Variants in SSH2 observed in about 807,000 individuals in gnomAD.
SSH2 encodes slingshot protein phosphatase 2.
In SSH2, 37 loss-of-function variants were observed where a neutral mutation model predicts 135.2. The observed-to-expected ratio is 0.27, with a 90% CI of 0.21 to 0.36. SSH2 has a LOEUF of 0.36. Among genes scored for constraint, SSH2 ranks in the 10% least tolerant of loss-of-function variants. The pLI, the probability that SSH2 is intolerant of heterozygous loss-of-function variation, is 1.00. For missense variants in SSH2, 1,408 were observed against 1,765.3 expected (o/e 0.80, Z 3.63); for synonymous variants, 628 against 646.2 (o/e 0.97, Z 0.43).
At chr17:29,686,526 TA>T (rs1291679087) in intron 5 of SSH2, among the ~76,000 whole-genome samples, 1 of 150,480 alleles carries the variant, frequency 6.6e-6, no homozygotes, top group African/African-American at 2.5e-5. Flanking sequence ...CACGCCCGGC[TA>T]ATTTTTTTTT....
chr17:29,704,476 A>C (rs1402845730), intron 3 of SSH2, among the ~76,000 whole-genome samples: 2 of 152,236 alleles, frequency 1.3e-5, no homozygotes, highest in South Asian at 4.1e-4. Flanking sequence ...CCAAGCCAAG[A>C]GGATTGCTTG....
At chr17:29,879,943 A>G (rs2066105864) in intron 1 of SSH2, among the ~76,000 whole-genome samples, 1 of 152,238 alleles carries the variant, frequency 6.6e-6, no homozygotes, top group South Asian at 2.1e-4. Context: ...AGATGTTTTC[A>G]AAAATCTATT....
At chr17:29,920,643 T>G (rs976808723) in intron 1 of SSH2, among the ~76,000 whole-genome samples, 17 of 152,116 alleles carry the variant, frequency 1.1e-4, no homozygotes, top group African/African-American at 3.6e-4. Context: ...AACATAATCC[T>G]TACTTCACAT....
At chr17:29,927,007 C>T (rs770670135) in intron 1 of SSH2, among the ~76,000 whole-genome samples, 1 of 152,118 alleles carries the variant, frequency 6.6e-6, no homozygotes, top group African/African-American at 2.4e-5. Context: ...AATGACACTG[C>T]GCATATTCCT....
intron 3 of SSH2, among the ~76,000 whole-genome samples, chr17:29,746,422 C>T (rs1449635709): frequency 6.6e-6 from 1 of 151,442 alleles, no homozygotes; most frequent in Non-Finnish European, 1.5e-5. Flanking sequence ...GTGGTGGACG[C>T]CTGTAATCCC....
At chr17:29,818,763 T>C (rs1191925001) in intron 2 of SSH2, among the ~76,000 whole-genome samples, 3 of 152,030 alleles carry the variant, frequency 2.0e-5, no homozygotes, top group East Asian at 1.9e-4. Context: ...CATGAGAAAC[T>C]TGTACAGTCC....
At chr17:29,709,050 A>AGAGAGAGAGAGAGAGAGC (rs982312745) in intron 3 of SSH2, among the ~76,000 whole-genome samples, 3 of 145,574 alleles carry the variant, frequency 2.1e-5, no homozygotes, top group Non-Finnish European at 3.0e-5. Flanking sequence ...AGAGAGAGAG[A>AGAGAGAGAGAGAGAGAGC]GAGCTAATAA....
At chr17:29,746,607 A>T (rs1176038871) in intron 3 of SSH2, among the ~76,000 whole-genome samples, 1 of 151,842 alleles carries the variant, frequency 6.6e-6, no homozygotes, top group Non-Finnish European at 1.5e-5. Context: ...ATGGGAAATT[A>T]AAACTTTTGA....
rs78513841 is a variant in SSH2, at chr17:29,723,916, T to C, written c.189-20854A>G. Among the ~76,000 whole-genome samples the C allele has an allele frequency of 8.8e-3, 1,338 of 152,310 alleles. 47 individuals carry two copies. The East Asian group carries it at 0.12, about 14-fold the overall frequency. On this transcript the variant is annotated intron_variant, in intron 3 of 15. Coordinates refer to ENST00000540801, the MANE Select transcript of SSH2 (RefSeq NM_001282129.2). Reference sequence around the variant, plus strand: ...TCCCTTTTCTGAGAAGTTGGGTGTATTGTATGGGATACTCCCATACATCTA... The same window carrying C: ...TCCCTTTTCTGAGAAGTTGGGTGTACTGTATGGGATACTCCCATACATCTA...
intron 1 of SSH2, among the ~76,000 whole-genome samples, chr17:29,863,162 T>A (rs996565397): frequency 6.6e-6 from 1 of 152,040 alleles, no homozygotes; most frequent in Admixed American, 6.6e-5. Flanking sequence ...TACTAACTGG[T>A]CCTTAACAAC....
At chr17:29,837,790 C>T (rs576958350) in intron 2 of SSH2, among the ~76,000 whole-genome samples, 1 of 152,354 alleles carries the variant, frequency 6.6e-6, no homozygotes, top group East Asian at 1.9e-4. Context: ...TTGCCCGCTG[C>T]CACTGTGAGG....
chr17:29,681,287 A>G (rs1193655251), intron 6 of SSH2, among the ~76,000 whole-genome samples: 1 of 124,858 alleles, frequency 8.0e-6, no homozygotes, highest in South Asian at 2.9e-4. Context: ...GTGAGCTGAG[A>G]TTGCACCACT....
At chr17:29,662,027 C>T (rs2037067338) in intron 11 of SSH2, among the ~76,000 whole-genome samples, 1 of 152,142 alleles carries the variant, frequency 6.6e-6, no homozygotes, top group Non-Finnish European at 1.5e-5. Flanking sequence ...CCCAATTTCC[C>T]CCCCGCCCAT....
chr17:29,859,888 C>T (rs1168634468), intron 1 of SSH2, among the ~76,000 whole-genome samples: 3 of 151,990 alleles, frequency 2.0e-5, no homozygotes, highest in African/African-American at 4.8e-5. Flanking sequence ...CTCTTGTTTT[C>T]CAGGCTGGAG....
intron 3 of SSH2, among the ~76,000 whole-genome samples, chr17:29,784,014 C>A (rs1185402545): frequency 8.4e-6 from 1 of 119,610 alleles, no homozygotes; most frequent in Non-Finnish European, 1.7e-5. Flanking sequence ...TGCAGTGAGC[C>A]GAGATCCCGC....
chr17:29,744,095 G>A (rs903796532), intron 3 of SSH2, among the ~76,000 whole-genome samples: 8 of 152,184 alleles, frequency 5.3e-5, no homozygotes, highest in Middle Eastern at 3.4e-3. Context: ...CAGAGTACAG[G>A]GACGCCAAAG....
chr17:29,636,250 G>T lies in SSH2; in HGVS notation c.1980C>A (p.Ser660Arg). Residue 660 changes from serine to arginine, a missense_variant, in exon 15 of 16, where the codon AGC (serine) becomes AGA (arginine). Transcript: ENST00000540801. The part of the protein sequence containing the change: ...PPMSPDPESP[S>R]PQPSCQTEIS... ...TTTCAGTCTGGCAACTGGGTTGGGG[G>T]CTTGGTGACTCAGGATCAGGGGACA... 1 of 1,614,082 alleles carries T rather than the reference G, an allele frequency of 6.2e-7. No homozygotes were observed. The highest frequency in any genetic ancestry group is 8.5e-7 in the Non-Finnish European group (1 of 1,180,032).
At chr17:29,681,737 A>G (rs2037999067) in intron 6 of SSH2, among the ~76,000 whole-genome samples, 2 of 152,226 alleles carry the variant, frequency 1.3e-5, no homozygotes, top group African/African-American at 4.8e-5. Context: ...ATTATTAAGA[A>G]CTATTTGTAC....
At chr17:29,766,940 A>G (rs892372557) in intron 3 of SSH2, among the ~76,000 whole-genome samples, 5 of 152,236 alleles carry the variant, frequency 3.3e-5, no homozygotes, top group East Asian at 1.9e-4. Flanking sequence ...CATTCTTTAT[A>G]TAATACAATA....
Sources: allele counts gnomAD v4.1 joint callset (sites outside exome capture counted in the v4.1 genomes callset), GRCh38; gene constraint gnomAD v4.1.1; transcripts MANE v1.5; gene names NCBI Gene and HGNC (gene_info 2026-07-23, HGNC 2026-07-21).